PRTG: variants seen among roughly 807,000 people sequenced by gnomAD.
PRTG encodes the protein immunoglobulin superfamily, DCC subclass, member 5.
PRTG carries 67 observed loss-of-function variants against 122.5 expected under a neutral mutation model. The observed-to-expected ratio is 0.55, with a 90% CI of 0.45 to 0.67. The LOEUF (loss-of-function observed/expected upper bound fraction) is 0.67, where lower values mean the gene tolerates loss of function less well. Among genes scored for constraint, PRTG ranks in the 30% least tolerant of loss-of-function variants. The probability of loss-of-function intolerance (pLI) is 0.00; values close to 1 mark genes in which losing one functional copy is unlikely to be tolerated. For synonymous variants in PRTG, 554 were observed against 501.1 expected (o/e 1.11, Z -1.41); for missense variants, 1,435 against 1,415.4 (o/e 1.01, Z -0.22).
At chr15:55,704,325 G>C (rs2030001170) in intron 2 of PRTG, among the ~76,000 whole-genome samples, 1 of 152,118 alleles carries the variant, frequency 6.6e-6, no homozygotes. Context: ...AGGTTTTTGT[G>C]ACAAAATTCA....
chr15:55,702,140 C>A (rs965377738), intron 2 of PRTG, among the ~76,000 whole-genome samples: 15 of 152,246 alleles, frequency 9.9e-5, no homozygotes, highest in African/African-American at 3.6e-4. Context: ...AGAAAAGATT[C>A]TATTTAATTT....
chr15:55,635,019 T>C (rs1052779313), intron 15 of PRTG, among the ~76,000 whole-genome samples: 68 of 152,094 alleles, frequency 4.5e-4, no homozygotes, highest in Non-Finnish European at 8.7e-4. Flanking sequence ...AAGCTTTGTA[T>C]GTGGGGCTTC....
Position 55,685,619 on chromosome 15 carries a change from A to C in PRTG, c.398-1688T>G, listed in dbSNP as rs189247644. Among the ~76,000 whole-genome samples the C allele has an allele frequency of 2.0e-4, 30 of 152,292 alleles. No individual in the cohort carries two copies. In the East Asian group the frequency reaches 3.3e-3, roughly 17 times the overall value. On this transcript the variant is annotated intron_variant, in intron 2 of 19. Transcript: ENST00000389286. Reference sequence around the variant, plus strand: ...AAGAGATATGCACAAATGTAAAGCAATTCTGCTCCTCTGGCTAATTTTTTC... The same window carrying C: ...AAGAGATATGCACAAATGTAAAGCACTTCTGCTCCTCTGGCTAATTTTTTC...
intron 15 of PRTG, among the ~76,000 whole-genome samples, chr15:55,631,075 C>G (rs1161547303): frequency 1.3e-5 from 2 of 152,102 alleles, no homozygotes; most frequent in African/African-American, 4.8e-5. Flanking sequence ...GCAGCGATGC[C>G]AGGAGCCAGA....
At chr15:55,736,144 T>C (rs1293913016) in intron 2 of PRTG, among the ~76,000 whole-genome samples, 4 of 152,186 alleles carry the variant, frequency 2.6e-5, no homozygotes, top group Non-Finnish European at 4.4e-5. Flanking sequence ...CAAATGACTT[T>C]TACTCATGTT....
At chr15:55,674,314 C>A (rs978096272) in intron 9 of PRTG, among the ~76,000 whole-genome samples, 4 of 152,112 alleles carry the variant, frequency 2.6e-5, no homozygotes, top group Non-Finnish European at 4.4e-5. Context: ...ACCAAATTAA[C>A]CTCTCTTACC....
At chr15:55,646,357 C>T (rs1595617068) in intron 11 of PRTG, among the ~76,000 whole-genome samples, 2 of 148,772 alleles carry the variant, frequency 1.3e-5, no homozygotes, top group East Asian at 2.0e-4. Flanking sequence ...GAGTCTTGCT[C>T]TGTCGCCCAG....
In PRTG at chr15:55,662,569, T is replaced by A. The variant is rs567779021; in HGVS notation, c.2041+9876A>T. Among the ~76,000 whole-genome samples the A allele has an allele frequency of 4.7e-4, 72 of 152,332 alleles. 1 individual carries two copies. Among genetic ancestry groups the A allele is most frequent in the African/African-American group, 1.7e-3 (71 of 41,588 alleles). ...GTGGCAAGTAAGAGAGACTGATAGA[T>A]GTTTAGAATTTCACCAAACTAAGAT... is the stretch of plus-strand genomic sequence containing the variant. On this transcript the variant is annotated intron_variant, in intron 11 of 19. Coordinates refer to ENST00000389286, the MANE Select transcript of PRTG (RefSeq NM_173814.6).
In PRTG at chr15:55,675,784, C is replaced by A. The variant is rs75728283; in HGVS notation, c.1382-101G>T. The A allele has an allele frequency of 5.3e-3, 3,239 of 610,302 alleles. 93 individuals are homozygous for A. The African/African-American group carries it at 0.055, about 10-fold the overall frequency. 37.8% of individuals were successfully genotyped at this position (610,302 alleles called of 1,614,324 possible). A position where few individuals can be genotyped will look rare whatever the true frequency, so the allele number is the denominator to read the frequency against. Reference sequence around the variant, plus strand: ...AAACACTGGTCCTTGGGTCTAATCTCAATCTCTTATCTTCTGTGCCCCTTT... The same window carrying A: ...AAACACTGGTCCTTGGGTCTAATCTAAATCTCTTATCTTCTGTGCCCCTTT... On this transcript the variant is annotated intron_variant, in intron 8 of 19. Coordinates refer to ENST00000389286, the MANE Select transcript of PRTG (RefSeq NM_173814.6).
intron 11 of PRTG, among the ~76,000 whole-genome samples, chr15:55,660,650 G>C (rs1205971344): frequency 6.6e-6 from 1 of 152,068 alleles, no homozygotes; most frequent in African/African-American, 2.4e-5. Context: ...GAAAGTTTGG[G>C]CCTACCAGAC....
At chr15:55,630,786 T>C (rs770113469) in intron 15 of PRTG, among the ~76,000 whole-genome samples, 3 of 152,146 alleles carry the variant, frequency 2.0e-5, no homozygotes, top group Non-Finnish European at 4.4e-5. Flanking sequence ...ACCAGAAAGT[T>C]GTTTCAGCAC....
At chr15:55,664,435 G>A (rs1288846575) in intron 11 of PRTG, among the ~76,000 whole-genome samples, 4 of 151,848 alleles carry the variant, frequency 2.6e-5, no homozygotes, top group East Asian at 1.9e-4. Context: ...GAGCCACTGC[G>A]CCTGGCCAAG....
At chr15:55,665,388 G>C (rs1373492139) in intron 11 of PRTG, among the ~76,000 whole-genome samples, 1 of 152,122 alleles carries the variant, frequency 6.6e-6, no homozygotes, top group East Asian at 1.9e-4. Flanking sequence ...TTATGCTGCT[G>C]GTCCTGGGAC....
chr15:55,695,321 AATG>A (rs1369047809), intron 2 of PRTG, among the ~76,000 whole-genome samples: 4 of 152,248 alleles, frequency 2.6e-5, no homozygotes, highest in African/African-American at 9.6e-5. Context: ...ACCAAATAAA[AATG>A]ATGAATACAG....
chr15:55,717,012 T>A (rs1168826583), intron 2 of PRTG, among the ~76,000 whole-genome samples: 3 of 152,204 alleles, frequency 2.0e-5, no homozygotes, highest in Non-Finnish European at 4.4e-5. Flanking sequence ...GTGGCTTTAC[T>A]CAATATGAAA....
rs113106211 is a variant in PRTG, at chr15:55,630,207, C to T, written c.2624-1203G>A. 5.6e-3 allele frequency among the ~76,000 whole-genome samples: 857 copies of T among 152,192 alleles called. 6 individuals are homozygous for T. Among genetic ancestry groups the T allele is most frequent in the African/African-American group, 0.02 (820 of 41,508 alleles). ...TTCACCGTGTTAGCCAGGATGGTCT[C>T]GATCTCCTGCCCTCGTGATCTGCCC... On this transcript the variant is annotated intron_variant, in intron 15 of 19. Transcript: ENST00000389286.
At chr15:55,708,203 G>C (rs1307917853) in intron 2 of PRTG, among the ~76,000 whole-genome samples, 2 of 138,526 alleles carry the variant, frequency 1.4e-5, no homozygotes, top group East Asian at 2.0e-4. Context: ...TAGTGAGAAA[G>C]GCGGGAAAGA....
At chr15:55,660,331 A>G (rs2059403308) in intron 11 of PRTG, among the ~76,000 whole-genome samples, 1 of 152,256 alleles carries the variant, frequency 6.6e-6, no homozygotes, top group African/African-American at 2.4e-5. Context: ...TCCACCCTGA[A>G]GTTTCTTTCA....
chr15:55,663,637 G>T (rs190678635), intron 11 of PRTG, among the ~76,000 whole-genome samples: 126 of 151,880 alleles, frequency 8.3e-4, no homozygotes, highest in African/African-American at 2.8e-3. Flanking sequence ...TGCCTCCCAG[G>T]TTCAAGTGAT....
Sources: gnomAD v4.1 joint callset for allele counts (sites outside exome capture counted in the v4.1 genomes callset) on GRCh38, gnomAD v4.1.1 for gene constraint, MANE v1.5 for transcripts, NCBI Gene and HGNC (gene_info 2026-07-23, HGNC 2026-07-21) for gene names.